The following WDSUB1 variants were observed in gnomAD, a reference collection of about 807,000 sequenced individuals.
WDSUB1 encodes WD repeat, sterile alpha motif and U-box domain containing 1, also known as WD repeat, SAM and U-box domain-containing protein 1.
In WDSUB1, 49 loss-of-function variants were observed where a neutral mutation model predicts 53.9. That is an observed-to-expected ratio of 0.91 (90% CI 0.72 to 1.15). The LOEUF (loss-of-function observed/expected upper bound fraction) is 1.15, where lower values mean the gene tolerates loss of function less well. Among genes scored for constraint, WDSUB1 ranks in the 50% most tolerant of loss-of-function variants. The probability of loss-of-function intolerance (pLI) is 0.00; values close to 1 mark genes in which losing one functional copy is unlikely to be tolerated. For synonymous variants in WDSUB1, 194 were observed against 200.6 expected (o/e 0.97, Z 0.28); for missense variants, 514 against 562.0 (o/e 0.91, Z 0.86).
chr2:159,238,934 T>G (rs902196758), intron 10 of WDSUB1, among the ~76,000 whole-genome samples: 1 of 152,196 alleles, frequency 6.6e-6, no homozygotes, highest in Non-Finnish European at 1.5e-5. Context: ...CATTATACTT[T>G]CACAGGGATG....
intron 9 of WDSUB1, among the ~76,000 whole-genome samples, chr2:159,250,875 A>G (rs1032850337): frequency 5.3e-5 from 8 of 152,130 alleles, no homozygotes; most frequent in Admixed American, 3.9e-4. Flanking sequence ...CCACCTGGGT[A>G]GAGACATGGC....
At chr2:159,272,577 A>C (rs1362957181) in intron 4 of WDSUB1, among the ~76,000 whole-genome samples, 1 of 152,230 alleles carries the variant, frequency 6.6e-6, no homozygotes, top group East Asian at 1.9e-4. Context: ...TAGATGGGGT[A>C]ATTTCATAAC....
At chr2:159,275,523 G>A in intron 4 of WDSUB1, 23 bp downstream of exon 4, 1 of 1,530,688 alleles carries the variant, frequency 6.5e-7, no homozygotes, top group Middle Eastern at 1.8e-4. Context: ...TAATTTTAGA[G>A]AAGCACTATT....
chr2:159,281,192 C>T (rs758337767), intron 2 of WDSUB1, among the ~76,000 whole-genome samples: 6 of 152,016 alleles, frequency 3.9e-5, no homozygotes, highest in South Asian at 2.1e-4. Context: ...TACTTAAAAG[C>T]GCATGGTTTC....
chr2:159,282,250 T>A lies in WDSUB1; in HGVS notation c.398+422A>T, dbSNP rs4665055. ...GTCTGTCACCCAGGCTGGAGTACAG[T>A]GGTGTGATCTCGGCTCACTGCAAGC... On this transcript the variant is annotated intron_variant, in intron 2 of 10. Transcript: ENST00000359774. Among the ~76,000 whole-genome samples the A allele has an allele frequency of 1.1e-4, 17 of 151,660 alleles. 1 individual carries two copies. Among genetic ancestry groups the A allele is most frequent in the Non-Finnish European group, 8.8e-5 (6 of 67,902 alleles).
intron 9 of WDSUB1, among the ~76,000 whole-genome samples, chr2:159,253,348 C>T (rs1339914783): frequency 5.3e-5 from 8 of 151,508 alleles, no homozygotes; most frequent in Non-Finnish European, 8.8e-5. Context: ...TAAAGCTGTA[C>T]GTCTATTGTA....
In WDSUB1 at chr2:159,235,920, T is replaced by G; in HGVS notation, c.*113A>C. The stretch of plus-strand genomic sequence containing the variant: ...TTGACAATTTTTATAGGTAACTAAA[T>G]TTAAGAAGTTTACCTTTTTCCTGTT... On this transcript the variant is annotated 3_prime_UTR_variant, in exon 11 of 11. Transcript: ENST00000359774. 9.2e-7 allele frequency: 1 copy of G among 1,083,500 alleles called. No homozygotes were observed. The highest frequency in any genetic ancestry group is 1.2e-6 in the Non-Finnish European group (1 of 818,554). 67.1% of individuals were successfully genotyped at this position (1,083,500 alleles called of 1,614,324 possible).
At chr2:159,246,431 C>CAAAA (rs35443297) in intron 10 of WDSUB1, among the ~76,000 whole-genome samples, 71 of 117,106 alleles carry the variant, frequency 6.1e-4, no homozygotes, top group African/African-American at 2.1e-3. Context: ...GAGTCTGTCT[C>CAAAA]AAAAAAAAAA....
chr2:159,259,050 G>T (rs951390299), intron 6 of WDSUB1, among the ~76,000 whole-genome samples: 1 of 136,386 alleles, frequency 7.3e-6, no homozygotes, highest in Non-Finnish European at 1.6e-5. Flanking sequence ...TTGAGACAGG[G>T]TCTCACTCTG....
chr2:159,263,155 G>C (rs1028959533), intron 5 of WDSUB1, among the ~76,000 whole-genome samples: 3 of 152,152 alleles, frequency 2.0e-5, no homozygotes, highest in Non-Finnish European at 4.4e-5. Flanking sequence ...CAGACTCCTC[G>C]AGATCCGTGA....
At chr2:159,282,530 T>C (rs1444216485) in intron 2 of WDSUB1, 142 bp downstream of exon 2, 3 of 947,232 alleles carry the variant, frequency 3.2e-6, no homozygotes, top group African/African-American at 3.3e-5. Flanking sequence ...TGAAAACTAT[T>C]GGCTTCCTAG....
intron 5 of WDSUB1, among the ~76,000 whole-genome samples, chr2:159,263,930 T>C (rs2061280403): frequency 6.6e-6 from 1 of 152,172 alleles, no homozygotes; most frequent in South Asian, 2.1e-4. Context: ...TTCATAACAA[T>C]GTTATGAGGA....
intron 3 of WDSUB1, among the ~76,000 whole-genome samples, chr2:159,277,658 A>C (rs1412692241): frequency 6.6e-6 from 1 of 152,242 alleles, no homozygotes; most frequent in African/African-American, 2.4e-5. Flanking sequence ...GCAAAATGTC[A>C]CAAGATGAGT....
rs145620694 is a variant in WDSUB1 at position 159,263,855 on chromosome 2, A to G, written c.771-4012T>C. Among the ~76,000 whole-genome samples the G allele has an allele frequency of 8.2e-3, 1,248 of 152,162 alleles. 10 individuals carry two copies. Among genetic ancestry groups the G allele is most frequent in the African/African-American group, 0.023 (967 of 41,530 alleles). On this transcript the variant is annotated intron_variant, in intron 5 of 10. Transcript: ENST00000359774. ...ATATCTATTATTTTATGTACTATTT[A>G]ATATATATGTATTGAGCAGTGATGT...
At chr2:159,272,298 C>T (rs1426754850) in intron 4 of WDSUB1, among the ~76,000 whole-genome samples, 1 of 152,132 alleles carries the variant, frequency 6.6e-6, no homozygotes, top group African/African-American at 2.4e-5. Context: ...CCCCACTGGA[C>T]GTTATCTCAG....
At chr2:159,259,410 C>T (rs1406884203) in intron 6 of WDSUB1, among the ~76,000 whole-genome samples, 1 of 152,174 alleles carries the variant, frequency 6.6e-6, no homozygotes, top group East Asian at 1.9e-4. Context: ...TATGCCTCTC[C>T]CTAAATCCAG....
rs1171967721 is a variant in WDSUB1 at position 159,263,533 on chromosome 2, A to C, written c.771-3690T>G. Among the ~76,000 whole-genome samples the C allele has an allele frequency of 2.6e-5, 4 of 152,256 alleles. No homozygotes were observed. The East Asian group carries it at 7.7e-4, about 29-fold the overall frequency. On this transcript the variant is annotated intron_variant, in intron 5 of 10. Coordinates refer to ENST00000359774, the MANE Select transcript of WDSUB1 (RefSeq NM_001128212.3). ...TTTGATTCTGAGCTTCTTCAGTAGCAATGCAAAAAGGAAATATGACCAGTT... is the reference window on the plus strand; with the variant it reads ...TTTGATTCTGAGCTTCTTCAGTAGCCATGCAAAAAGGAAATATGACCAGTT...
At chr2:159,271,299 T>C (rs1054805926) in intron 5 of WDSUB1, among the ~76,000 whole-genome samples, 2 of 152,140 alleles carry the variant, frequency 1.3e-5, no homozygotes, top group African/African-American at 4.8e-5. Flanking sequence ...AACAATCATA[T>C]AACCATTAAC....
chr2:159,247,362 C>G (rs2060822185), intron 10 of WDSUB1, among the ~76,000 whole-genome samples: 1 of 152,068 alleles, frequency 6.6e-6, no homozygotes, highest in Non-Finnish European at 1.5e-5. Flanking sequence ...GTTTTATACT[C>G]AAATATATGT....
Sources: gnomAD v4.1 joint callset for allele counts (sites outside exome capture counted in the v4.1 genomes callset) on GRCh38, gnomAD v4.1.1 for gene constraint, MANE v1.5 for transcripts, NCBI Gene and HGNC (gene_info 2026-07-23, HGNC 2026-07-21) for gene names.